TULP4: variants seen among roughly 807,000 people sequenced by gnomAD.
The protein encoded by TULP4 is tubby-related protein 4.
TULP4 carries 16 observed loss-of-function variants against 129.0 expected under a neutral mutation model. The ratio of observed to expected loss-of-function variants is 0.12; its 90% CI spans 0.08 to 0.19. The LOEUF is 0.19. Ranked by LOEUF, TULP4 falls within the 10% of genes least tolerant of loss-of-function variation. The pLI, the probability that TULP4 is intolerant of heterozygous loss-of-function variation, is 1.00. For synonymous variants in TULP4, 998 were observed against 854.0 expected (o/e 1.17, Z -2.94); for missense variants, 1,842 against 2,059.1 (o/e 0.89, Z 2.04).
rs1246612256 is a variant in TULP4 at position 158,508,149 on chromosome 6, T to G, written c.*1455T>G. On this transcript the variant is annotated 3_prime_UTR_variant, in exon 14 of 14. Transcript: ENST00000367097. ...GACAAAACCCAGTGTTTTTTGTTGT[T>G]GTTTTTTGTTGTTGTTTTTTGTTTT... 1 of 151,068 alleles carries G rather than the reference T, an allele frequency of 6.6e-6. No homozygotes were observed. Among genetic ancestry groups the G allele is most frequent in the Non-Finnish European group, 1.5e-5 (1 of 67,968 alleles). The allele number at this position is 151,068 out of a possible 1,614,324, so 9.4% of individuals were successfully genotyped here. A position where few individuals can be genotyped will look rare whatever the true frequency, so the allele number is the denominator to read the frequency against.
chr6:158,396,122 A>G (rs1213398465), intron 1 of TULP4, among the ~76,000 whole-genome samples: 2 of 152,392 alleles, frequency 1.3e-5, no homozygotes, highest in Admixed American at 6.5e-5. Flanking sequence ...TCGTAGTTCA[A>G]TGAGAAAATA....
At chr6:158,280,559 A>G (rs1384250323), upstream of TULP4, among the ~76,000 whole-genome samples, 4 of 152,238 alleles carry the variant, frequency 2.6e-5, no homozygotes, top group Admixed American at 2.0e-4. Flanking sequence ...GCATAGTTTG[A>G]TTTCCACTTA....
intron 1 of TULP4, among the ~76,000 whole-genome samples, chr6:158,253,392 CT>C (rs147144528): frequency 0.015 from 2,354 of 152,290 alleles, 66 homozygotes; most frequent in African/African-American, 0.054. Flanking sequence ...GCCTGCTCTC[CT>C]GTCTCTGCCC....
rs371342284 is a variant in TULP4, at chr6:158,433,655, C to T, written c.543+3758C>T. On this transcript the variant is annotated intron_variant, in intron 3 of 13. Coordinates refer to ENST00000367097, the MANE Select transcript of TULP4 (RefSeq NM_020245.5). ...GAACCCAGGAGGCATTGCAGTGAAC[C>T]GAGATGGCGCCATTGCACTCCAGCC... Among the ~76,000 whole-genome samples the T allele has an allele frequency of 7.9e-5, 12 of 152,264 alleles. No homozygotes were observed. The South Asian group carries it at 1.2e-3, about 16-fold the overall frequency.
intron 1 of TULP4, among the ~76,000 whole-genome samples, chr6:158,394,648 G>A (rs1020908230): frequency 2.6e-5 from 4 of 151,638 alleles, no homozygotes; most frequent in Non-Finnish European, 4.4e-5. Context: ...TTAGCCGGAC[G>A]TGGTGGCGGG....
chr6:158,456,863 C>T (rs1779303916), intron 5 of TULP4, among the ~76,000 whole-genome samples: 1 of 151,448 alleles, frequency 6.6e-6, no homozygotes, highest in Admixed American at 6.6e-5. Context: ...TTCAGTGTAC[C>T]AAAACACCAT....
At chr6:158,331,766 TACACGTATATATACACAC>T (rs1779896381) in intron 1 of TULP4, among the ~76,000 whole-genome samples, 1 of 35,094 alleles carries the variant, frequency 2.8e-5, no homozygotes, top group Non-Finnish European at 6.7e-5. Flanking sequence ...CGTGTATATA[TACACGTATATATACACAC>T]ACACATACCT....
chr6:158,331,747 G>GTATATATA (rs1194424498), intron 1 of TULP4, among the ~76,000 whole-genome samples: 5 of 29,236 alleles, frequency 1.7e-4, no homozygotes, highest in East Asian at 1.7e-3. Context: ...ATATATACGT[G>GTATATATA]TATATACACG....
upstream of TULP4, among the ~76,000 whole-genome samples, chr6:158,278,410 G>A (rs1412704723): frequency 6.7e-6 from 1 of 148,804 alleles, no homozygotes; most frequent in African/African-American, 2.5e-5. Context: ...TTGGCTATAT[G>A]CTTTAGTGTA....
chr6:158,422,981 T>G (rs1778385947), intron 2 of TULP4, among the ~76,000 whole-genome samples: 1 of 152,242 alleles, frequency 6.6e-6, no homozygotes, highest in Non-Finnish European at 1.5e-5. Flanking sequence ...TATCAAAGGT[T>G]GCTAGCCTGG....
chr6:158,442,492 C>T (rs1778921061), intron 3 of TULP4, among the ~76,000 whole-genome samples: 1 of 151,748 alleles, frequency 6.6e-6, no homozygotes, highest in African/African-American at 2.4e-5. Context: ...CACCAACAGG[C>T]CAAGCAGATT....
chr6:158,445,274 A>G (rs1030280275), intron 3 of TULP4, among the ~76,000 whole-genome samples: 2 of 152,204 alleles, frequency 1.3e-5, no homozygotes, highest in African/African-American at 2.4e-5. Flanking sequence ...GGCCCTGCCC[A>G]TACCTGAAGC....
intron 13 of TULP4, among the ~76,000 whole-genome samples, chr6:158,505,386 CAA>C (rs1780577058): frequency 6.6e-6 from 1 of 152,244 alleles, no homozygotes; most frequent in African/African-American, 2.4e-5. Flanking sequence ...CTTTTTGGAA[CAA>C]AGTTTTATTG....
intron 3 of TULP4, 126 bp downstream of exon 3, chr6:158,430,023 A>G: frequency 1.1e-6 from 1 of 903,662 alleles, no homozygotes. Flanking sequence ...AAGAACAATA[A>G]AACTGTCCAG....
At chr6:158,463,657 T>C (rs1477512902) in intron 6 of TULP4, among the ~76,000 whole-genome samples, 1 of 141,700 alleles carries the variant, frequency 7.1e-6, no homozygotes, top group South Asian at 2.2e-4. Flanking sequence ...AAAATATATA[T>C]ATATATATAT....
At chr6:158,465,427 C>T (rs1012104777) in intron 6 of TULP4, among the ~76,000 whole-genome samples, 4 of 152,080 alleles carry the variant, frequency 2.6e-5, no homozygotes, top group Admixed American at 6.6e-5. Context: ...TTCCATCTTT[C>T]GGCTGTTGTG....
intron 1 of TULP4, among the ~76,000 whole-genome samples, chr6:158,259,172 G>A (rs1778304975): frequency 6.6e-6 from 1 of 152,260 alleles, no homozygotes; most frequent in Non-Finnish European, 1.5e-5. Flanking sequence ...AGAGGTTGCA[G>A]TGAGCCGAGG....
rs1780643084 is a variant in TULP4 at position 158,508,007 on chromosome 6, A to G, written c.*1313A>G. ...CTGAGAAAACGTTATTAAAATTGTA[A>G]TACCTAGGTAGTTGGTTGATCACAG... is the stretch of plus-strand genomic sequence containing the variant. On this transcript the variant is annotated 3_prime_UTR_variant, in exon 14 of 14. Transcript: ENST00000367097. 1 of 152,152 alleles carries G rather than the reference A, an allele frequency of 6.6e-6. No individual in the cohort carries two copies. Among genetic ancestry groups the G allele is most frequent in the Non-Finnish European group, 1.5e-5 (1 of 68,030 alleles). 9.4% of individuals were successfully genotyped at this position (152,152 alleles called of 1,614,324 possible). A position where few individuals can be genotyped will look rare whatever the true frequency, so the allele number is the denominator to read the frequency against.
chr6:158,331,264 C>T (rs1779871289), intron 1 of TULP4, among the ~76,000 whole-genome samples: 1 of 152,092 alleles, frequency 6.6e-6, no homozygotes, highest in African/African-American at 2.4e-5. Context: ...TCCACTACTC[C>T]CTCCATGAGT....
Sources: allele counts gnomAD v4.1 joint callset (sites outside exome capture counted in the v4.1 genomes callset), GRCh38; gene constraint gnomAD v4.1.1; transcripts MANE v1.5; gene names NCBI Gene and HGNC (gene_info 2026-07-23, HGNC 2026-07-21).